Variants in CADPS2 observed in about 807,000 individuals in gnomAD.
The protein encoded by CADPS2 is calcium dependent secretion activator 2.
In CADPS2, 93 loss-of-function variants were observed where a neutral mutation model predicts 172.5. The ratio of observed to expected loss-of-function variants is 0.54; its 90% CI spans 0.46 to 0.64. The LOEUF is 0.64. Ranked by LOEUF, CADPS2 falls within the 30% of genes least tolerant of loss-of-function variation. The pLI, the probability that CADPS2 is intolerant of heterozygous loss-of-function variation, is 0.00. For synonymous variants in CADPS2, 546 were observed against 555.2 expected, an observed-to-expected ratio of 0.98 and a Z score of 0.23; for missense variants, 1,420 against 1,565.9, an observed-to-expected ratio of 0.91 and a Z score of 1.57.
At chr7:122,508,449 GTTTTTTT>G (rs1205155217) in intron 9 of CADPS2, among the ~76,000 whole-genome samples, 66 of 68,420 alleles carry the variant, frequency 9.6e-4, no homozygotes, top group Middle Eastern at 0.01. Context: ...ATTCATTTAA[GTTTTTTT>G]TTTTTTTTTT....
intron 2 of CADPS2, among the ~76,000 whole-genome samples, chr7:122,665,504 A>G (rs760972472): frequency 2.0e-5 from 3 of 152,214 alleles, no homozygotes; most frequent in African/African-American, 7.2e-5. Flanking sequence ...TAAAAATATC[A>G]TGTCAAAAAT....
intron 19 of CADPS2, 78 bp downstream of exon 19, chr7:122,413,990 A>G: frequency 8.0e-7 from 1 of 1,254,152 alleles, no homozygotes; most frequent in Non-Finnish European, 1.1e-6. Context: ...ATGGACTACA[A>G]TCAGAGTAGA....
At chr7:122,696,997 A>G (rs969489064) in intron 2 of CADPS2, among the ~76,000 whole-genome samples, 5 of 152,196 alleles carry the variant, frequency 3.3e-5, no homozygotes, top group Non-Finnish European at 7.3e-5. Context: ...AGTCTGGCAT[A>G]GATTAAACAT....
chr7:122,697,845 A>C (rs772773754), intron 2 of CADPS2: 1 of 1,610,110 alleles, frequency 6.2e-7, no homozygotes, highest in Non-Finnish European at 8.5e-7. Context: ...CATTATTCTG[A>C]GAAGTAGGGT....
intron 8 of CADPS2, among the ~76,000 whole-genome samples, chr7:122,524,976 C>T (rs2061095624): frequency 6.6e-6 from 1 of 151,940 alleles, no homozygotes; most frequent in African/African-American, 2.4e-5. Context: ...GGCAAAAACC[C>T]CATCTCTACA....
intron 1 of CADPS2, among the ~76,000 whole-genome samples, chr7:122,768,002 G>C (rs890391125): frequency 1.3e-5 from 2 of 152,152 alleles, no homozygotes; most frequent in African/African-American, 2.4e-5. Context: ...GGGAGAGATG[G>C]TTAAAGTGAG....
chr7:122,485,407 C>T (rs115860647), intron 11 of CADPS2, among the ~76,000 whole-genome samples: 3,967 of 152,220 alleles, frequency 0.026, 156 homozygotes, highest in African/African-American at 0.091. Flanking sequence ...AGCCTTATTG[C>T]TGATATGAAG....
intron 6 of CADPS2, among the ~76,000 whole-genome samples, chr7:122,607,566 T>C (rs2073744564): frequency 6.6e-6 from 1 of 152,164 alleles, no homozygotes; most frequent in Admixed American, 6.6e-5. Context: ...CTATAAACTT[T>C]CTCCCAAATT....
chr7:122,460,668 T>C (rs2054331761), intron 14 of CADPS2, among the ~76,000 whole-genome samples: 2 of 151,728 alleles, frequency 1.3e-5, no homozygotes, highest in African/African-American at 4.8e-5. Flanking sequence ...GCAGAAACAA[T>C]AGAAAATTCA....
At chr7:122,818,049 T>C (rs1319140628) in intron 1 of CADPS2, among the ~76,000 whole-genome samples, 2 of 146,244 alleles carry the variant, frequency 1.4e-5, no homozygotes, top group African/African-American at 5.0e-5. Context: ...CTTATTTCCA[T>C]GCCCCAACCT....
intron 20 of CADPS2, among the ~76,000 whole-genome samples, chr7:122,402,573 T>G (rs566161959): frequency 6.6e-4 from 100 of 152,364 alleles, no homozygotes; most frequent in Non-Finnish European, 1.3e-3. Flanking sequence ...GACTGAATTA[T>G]TCATGAACCA....
At chr7:122,820,065 C>A (rs1802690658) in intron 1 of CADPS2, among the ~76,000 whole-genome samples, 1 of 152,182 alleles carries the variant, frequency 6.6e-6, no homozygotes, top group Non-Finnish European at 1.5e-5. Flanking sequence ...AGGATCTGTG[C>A]CTAATCAACC....
chr7:122,710,385 T>C (rs1169324796), intron 2 of CADPS2, among the ~76,000 whole-genome samples: 1 of 151,928 alleles, frequency 6.6e-6, no homozygotes, highest in African/African-American at 2.4e-5. Context: ...GCAGAAACAG[T>C]GAACAGTGTA....
At chr7:122,826,979 TCAAA>T (rs1805085411) in intron 1 of CADPS2, among the ~76,000 whole-genome samples, 1 of 151,004 alleles carries the variant, frequency 6.6e-6, no homozygotes, top group Admixed American at 6.6e-5. Flanking sequence ...CAAAGGAAAA[TCAAA>T]CAAAAGCTGG....
intron 1 of CADPS2, among the ~76,000 whole-genome samples, chr7:122,796,309 CT>C (rs1351378117): frequency 7.9e-5 from 12 of 152,170 alleles, no homozygotes; most frequent in Non-Finnish European, 1.6e-4. Context: ...ATTCAATGCT[CT>C]TCCATTAAAC....
intron 19 of CADPS2, among the ~76,000 whole-genome samples, chr7:122,408,822 T>C (rs1196474266): frequency 2.6e-5 from 4 of 152,202 alleles, no homozygotes; most frequent in Non-Finnish European, 4.4e-5. Flanking sequence ...TTTCCATGTT[T>C]ATAAAAATTT....
intron 2 of CADPS2, among the ~76,000 whole-genome samples, chr7:122,691,305 A>G (rs1564076288): frequency 6.6e-6 from 1 of 152,338 alleles, no homozygotes; most frequent in East Asian, 1.9e-4. Flanking sequence ...ATCTGCTATT[A>G]CTAACTGCTT....
intron 27 of CADPS2, 91 bp downstream of exon 27, chr7:122,360,697 G>A (rs1456882797): frequency 2.6e-6 from 3 of 1,156,464 alleles, no homozygotes; most frequent in African/African-American, 3.1e-5. Flanking sequence ...GAATGGCACT[G>A]GTTTAAAGAT....
chr7:122,355,166 T>C (rs2039217857), intron 27 of CADPS2, among the ~76,000 whole-genome samples: 1 of 152,240 alleles, frequency 6.6e-6, no homozygotes, highest in Non-Finnish European at 1.5e-5. Flanking sequence ...AACTGTGCTA[T>C]AATTATAAGG....
Sources: gnomAD v4.1 joint callset for allele counts (sites outside exome capture counted in the v4.1 genomes callset) on GRCh38, gnomAD v4.1.1 for gene constraint, MANE v1.5 for transcripts, NCBI Gene and HGNC (gene_info 2026-07-23, HGNC 2026-07-21) for gene names.